KCNH8: variants seen among roughly 807,000 people sequenced by gnomAD.
KCNH8 encodes potassium voltage-gated channel subfamily H member 8, also known as voltage-gated delayed rectifier potassium channel KCNH8.
A neutral mutation model predicts 103.6 loss-of-function variants in KCNH8; 70 were observed. That is an observed-to-expected ratio of 0.68 (90% CI 0.56 to 0.82). KCNH8 has a LOEUF of 0.82. Among genes scored for constraint, KCNH8 ranks in the 40% least tolerant of loss-of-function variants. KCNH8 has a pLI of 0.00. For missense variants in KCNH8, 1,217 were observed against 1,329.9 expected (o/e 0.92, Z 1.32); for synonymous variants, 498 against 489.4 (o/e 1.02, Z -0.23).
At chr3:19,153,613 T>C (rs2063150961) in intron 1 of KCNH8, among the ~76,000 whole-genome samples, 1 of 151,580 alleles carries the variant, frequency 6.6e-6, no homozygotes, top group African/African-American at 2.4e-5. Context: ...CTTTTTCTTT[T>C]CTTTTCTTTT....
intron 3 of KCNH8, among the ~76,000 whole-genome samples, chr3:19,307,000 A>G (rs867686339): frequency 2.0e-5 from 3 of 152,014 alleles, no homozygotes; most frequent in Non-Finnish European, 4.4e-5. Flanking sequence ...CCACAACAGC[A>G]TGGTACTGGC....
chr3:19,496,249 T>C (rs1336092011), intron 11 of KCNH8, among the ~76,000 whole-genome samples: 1 of 152,156 alleles, frequency 6.6e-6, no homozygotes, highest in East Asian at 1.9e-4. Context: ...GGAGTCATGA[T>C]AGAGGGCATC....
chr3:19,193,013 T>C (rs1269535470), intron 1 of KCNH8, among the ~76,000 whole-genome samples: 1 of 151,664 alleles, frequency 6.6e-6, no homozygotes, highest in South Asian at 2.1e-4. Context: ...ACATAAATTT[T>C]TAGAAAGATT....
intron 11 of KCNH8, among the ~76,000 whole-genome samples, chr3:19,492,797 ATTC>A (rs2068351213): frequency 6.7e-6 from 1 of 148,250 alleles, no homozygotes; most frequent in South Asian, 2.1e-4. Context: ...CATGACACTG[ATTC>A]TTCTAGTCCT....
chr3:19,231,945 T>C (rs1383768979), intron 1 of KCNH8, among the ~76,000 whole-genome samples: 1 of 152,178 alleles, frequency 6.6e-6, no homozygotes, highest in Non-Finnish European at 1.5e-5. Context: ...ATCAAATTAA[T>C]TGCCGCGAGT....
intron 5 of KCNH8, among the ~76,000 whole-genome samples, chr3:19,350,815 G>A (rs1399600018): frequency 1.3e-5 from 2 of 152,132 alleles, no homozygotes; most frequent in Non-Finnish European, 2.9e-5. Flanking sequence ...AAAAATCAGA[G>A]CACCTCTTCT....
intron 2 of KCNH8, among the ~76,000 whole-genome samples, chr3:19,255,287 G>T (rs781351577): frequency 6.6e-6 from 1 of 152,112 alleles, no homozygotes; most frequent in Non-Finnish European, 1.5e-5. Flanking sequence ...TACCTAGTCC[G>T]TGTTATTTTC....
At chr3:19,226,127 A>G (rs2063928326) in intron 1 of KCNH8, among the ~76,000 whole-genome samples, 1 of 152,236 alleles carries the variant, frequency 6.6e-6, no homozygotes, top group Non-Finnish European at 1.5e-5. Flanking sequence ...CTTGTAAGGC[A>G]TAATTTGAAA....
chr3:19,450,937 G>T, intron 9 of KCNH8: 1 of 544,282 alleles, frequency 1.8e-6, no homozygotes, highest in Non-Finnish European at 3.3e-6. Flanking sequence ...AATTTGTTCT[G>T]TTTCTCCAGA....
chr3:19,260,260 C>G (rs1253513678), intron 2 of KCNH8, among the ~76,000 whole-genome samples: 1 of 151,042 alleles, frequency 6.6e-6, no homozygotes, highest in East Asian at 1.9e-4. Flanking sequence ...ATTCATACCA[C>G]TATTTGGGCA....
chr3:19,283,724 C>T (rs570877978), intron 3 of KCNH8, among the ~76,000 whole-genome samples: 2 of 150,670 alleles, frequency 1.3e-5, no homozygotes, highest in Non-Finnish European at 3.0e-5. Context: ...GATACCAACT[C>T]GAGCAACATA....
rs553608966 is a variant in KCNH8 at position 19,397,500 on chromosome 3, TAC to T, written c.1177+2199_1177+2200del. On this transcript the variant is annotated intron_variant, in intron 7 of 15. Transcript: ENST00000328405. ...AAAATGTGCTTCATATATCTATATA[TAC>T]ACACACACATATATATACGTGTGTA... is the stretch of plus-strand genomic sequence containing the variant. Among the ~76,000 whole-genome samples, 214 of 151,242 alleles carry T rather than the reference TAC, an allele frequency of 1.4e-3. 1 individual carries two copies. Among genetic ancestry groups the T allele is most frequent in the African/African-American group, 4.7e-3 (196 of 41,306 alleles).
intron 1 of KCNH8, among the ~76,000 whole-genome samples, chr3:19,202,844 G>A (rs182367175): frequency 6.6e-6 from 1 of 152,150 alleles, no homozygotes; most frequent in African/African-American, 2.4e-5. Context: ...AAAAAATGTT[G>A]ATGATAACAT....
chr3:19,341,465 A>G (rs1163275836), intron 3 of KCNH8, among the ~76,000 whole-genome samples: 1 of 152,106 alleles, frequency 6.6e-6, no homozygotes, highest in South Asian at 2.1e-4. Context: ...ATGTCTGACT[A>G]ACTACCTACT....
intron 1 of KCNH8, among the ~76,000 whole-genome samples, chr3:19,232,445 C>G (rs78395401): frequency 0.058 from 8,807 of 152,226 alleles, 879 homozygotes; most frequent in African/African-American, 0.2. Context: ...TGTTATGAAA[C>G]TTCAGCCCAC....
chr3:19,438,407 CCTAA>C (rs1477115378), intron 8 of KCNH8, 46 bp downstream of exon 8: 14 of 1,477,826 alleles, frequency 9.5e-6, no homozygotes, highest in East Asian at 4.6e-5. Context: ...ACTATGCCTA[CCTAA>C]CTGTCACTGC....
intron 3 of KCNH8, among the ~76,000 whole-genome samples, chr3:19,305,071 A>G (rs1046372790): frequency 2.0e-5 from 3 of 152,206 alleles, no homozygotes; most frequent in Admixed American, 2.0e-4. Flanking sequence ...TGTTAACTGC[A>G]AACAAAAAGA....
intron 2 of KCNH8, among the ~76,000 whole-genome samples, chr3:19,257,806 A>C (rs2125255919): frequency 6.6e-6 from 1 of 152,188 alleles, no homozygotes; most frequent in South Asian, 2.1e-4. Context: ...TAAACAACAG[A>C]AATCTGTTAT....
intron 11 of KCNH8, among the ~76,000 whole-genome samples, chr3:19,506,121 A>G (rs575706398): frequency 2.6e-5 from 4 of 152,266 alleles, no homozygotes; most frequent in South Asian, 2.1e-4. Context: ...TCGATTGTCT[A>G]TGTTCCCATC....
Sources: gnomAD v4.1 joint callset for allele counts (sites outside exome capture counted in the v4.1 genomes callset) on GRCh38, gnomAD v4.1.1 for gene constraint, MANE v1.5 for transcripts, NCBI Gene and HGNC (gene_info 2026-07-23, HGNC 2026-07-21) for gene names.